Variants in AFF1 observed in about 807,000 individuals in gnomAD.
AFF1 encodes the protein AF4/FMR2 family member 1.
A neutral mutation model predicts 121.7 loss-of-function variants in AFF1; 48 were observed. That is an observed-to-expected ratio of 0.39 (90% CI 0.31 to 0.50). AFF1 has a LOEUF of 0.50. Ranked by LOEUF, AFF1 falls within the 20% of genes least tolerant of loss-of-function variation. AFF1 has a pLI of 0.76. For synonymous variants in AFF1, 613 were observed against 563.0 expected, an observed-to-expected ratio of 1.09 and a Z score of -1.26; for missense variants, 1,523 against 1,511.7, an observed-to-expected ratio of 1.01 and a Z score of -0.12.
chr4:86,974,400 G>A (rs951290530), intron 2 of AFF1, among the ~76,000 whole-genome samples: 6 of 152,034 alleles, frequency 3.9e-5, no homozygotes, highest in Admixed American at 2.0e-4. Context: ...CGCCTGCCTC[G>A]GTCTCCCAAA....
At chr4:87,115,625 T>TTTTTTTTTTTTTTCCC (rs397994396) in intron 12 of AFF1, among the ~76,000 whole-genome samples, 1 of 102,968 alleles carries the variant, frequency 9.7e-6, no homozygotes, top group African/African-American at 3.3e-5. Flanking sequence ...TTTTTTTTTT[T>TTTTTTTTTTTTTTCCC]CCAAAGACAG....
rs182258688 is a variant in AFF1, at chr4:87,139,120, C to T, written c.*3419C>T. 1 of 228,638 alleles carries T rather than the reference C, an allele frequency of 4.4e-6. No individual in the cohort carries two copies. The highest frequency in any genetic ancestry group is 2.2e-5 in the African/African-American group (1 of 45,228). The allele number at this position is 228,638 out of a possible 1,614,324, so 14.2% of individuals were successfully genotyped here. Reference sequence around the variant, plus strand: ...ATTAACAAAACTTATCTCTGATATACAAAGGGATATAAATATATACACTTA... The same window carrying T: ...ATTAACAAAACTTATCTCTGATATATAAAGGGATATAAATATATACACTTA... On this transcript the variant is annotated 3_prime_UTR_variant, in exon 21 of 21. Transcript: ENST00000395146.
At chr4:86,998,118 A>C (rs1399500896) in intron 2 of AFF1, among the ~76,000 whole-genome samples, 9 of 148,104 alleles carry the variant, frequency 6.1e-5, no homozygotes, top group Non-Finnish European at 1.1e-4. Flanking sequence ...AAAAAAAAAA[A>C]AAAAAAAAAC....
At chr4:86,968,798 A>G (rs1382944101) in intron 2 of AFF1, among the ~76,000 whole-genome samples, 2 of 152,258 alleles carry the variant, frequency 1.3e-5, no homozygotes, top group South Asian at 2.1e-4. Flanking sequence ...TATCTTTTGC[A>G]TAACACATGG....
At chr4:87,041,913 G>T (rs6850907) in intron 2 of AFF1, among the ~76,000 whole-genome samples, 6,365 of 151,882 alleles carry the variant, frequency 0.042, 423 homozygotes, top group African/African-American at 0.15. Context: ...TACTCGGGAG[G>T]CTGAGACAGG....
intron 11 of AFF1, among the ~76,000 whole-genome samples, chr4:87,112,397 G>T (rs886200743): frequency 6.6e-6 from 1 of 152,160 alleles, no homozygotes; most frequent in Non-Finnish European, 1.5e-5. Flanking sequence ...GAAGCCGTAA[G>T]GAAGATAATG....
chr4:87,040,637 G>A (rs1730041341), intron 2 of AFF1, among the ~76,000 whole-genome samples: 1 of 151,278 alleles, frequency 6.6e-6, no homozygotes, highest in Admixed American at 6.6e-5. Flanking sequence ...CGCAATCTCG[G>A]CTCACAGCAA....
intron 2 of AFF1, among the ~76,000 whole-genome samples, chr4:86,955,831 T>C (rs1721699524): frequency 6.6e-6 from 1 of 152,174 alleles, no homozygotes; most frequent in Non-Finnish European, 1.5e-5. Context: ...TTGTTAACCT[T>C]GCATCATATA....
chr4:87,009,311 G>A (rs528110612), intron 2 of AFF1, among the ~76,000 whole-genome samples: 1 of 152,332 alleles, frequency 6.6e-6, no homozygotes, highest in South Asian at 2.1e-4. Context: ...GATCTGCTTT[G>A]CACACTTCCT....
intron 2 of AFF1, among the ~76,000 whole-genome samples, chr4:87,031,225 A>G (rs1441025677): frequency 1.3e-5 from 2 of 152,132 alleles, no homozygotes; most frequent in Non-Finnish European, 2.9e-5. Flanking sequence ...CAAACACCCT[A>G]TGGTGAATGA....
At chr4:86,966,102 G>T (rs1358020113) in intron 2 of AFF1, among the ~76,000 whole-genome samples, 2 of 150,078 alleles carry the variant, frequency 1.3e-5, no homozygotes, top group African/African-American at 4.9e-5. Context: ...TACGTGCAAG[G>T]TGGTAGTTTC....
At position 87,046,299 on chromosome 4, in the gene AFF1, CACTAGACATTG is replaced by C. The variant is rs774516112; in HGVS notation, c.159+15_159+25del. The C allele has an allele frequency of 5.0e-6, 8 of 1,606,794 alleles. No homozygotes were observed. The African/African-American group carries it at 1.1e-4, about 22-fold the overall frequency. On this transcript the variant is annotated intron_variant, in intron 3 of 20. Coordinates refer to ENST00000395146, the MANE Select transcript of AFF1 (RefSeq NM_001166693.3). ...AGAGCCCTACAAGGTATTTACTGAA[CACTAGACATTG>C]AAGTCCTGATTTATCACAATGTTGA...
At chr4:86,938,338 T>C (rs1336115015) in intron 1 of AFF1, among the ~76,000 whole-genome samples, 2 of 151,534 alleles carry the variant, frequency 1.3e-5, no homozygotes, top group Non-Finnish European at 2.9e-5. Context: ...TAATTACGCT[T>C]CCTCGGGAGG....
At chr4:87,042,291 C>T (rs1560566728) in intron 2 of AFF1, among the ~76,000 whole-genome samples, 1 of 152,164 alleles carries the variant, frequency 6.6e-6, no homozygotes, top group Non-Finnish European at 1.5e-5. Flanking sequence ...TTCCCTAAGC[C>T]ATTGCAAATT....
Position 87,114,717 on chromosome 4 carries a change from G to C in AFF1, c.1884G>C (p.Leu628=). Residue 628 remains leucine (L), a synonymous_variant, in exon 12 of 21, where the codon CTG becomes CTC. Coordinates refer to ENST00000395146, the MANE Select transcript of AFF1 (RefSeq NM_001166693.3). ...CCCGGGCAGGTTCACGGACCAGCCT[G>C]CAGGGGGAAAGGGAGCCAGGGCTTC... The part of the protein sequence containing the change: ...ASARAGSRTS[L]QGEREPGLLP... 4.3e-6 allele frequency: 7 copies of C among 1,614,022 alleles called. No individual in the cohort carries two copies. The highest frequency in any genetic ancestry group is 5.9e-6 in the Non-Finnish European group (7 of 1,179,998).
intron 8 of AFF1, among the ~76,000 whole-genome samples, chr4:87,104,255 A>G (rs1321822380): frequency 6.6e-6 from 1 of 152,140 alleles, no homozygotes; most frequent in East Asian, 1.9e-4. Flanking sequence ...AAACACAAAA[A>G]TTAGCCGGGC....
chr4:87,056,001 C>T (rs967693779), intron 4 of AFF1, among the ~76,000 whole-genome samples: 1 of 152,150 alleles, frequency 6.6e-6, no homozygotes, highest in Admixed American at 6.5e-5. Context: ...GTTTTTCCCA[C>T]AGAGGTCTAG....
chr4:87,092,971 T>G (rs893170698), intron 7 of AFF1, among the ~76,000 whole-genome samples: 2 of 152,130 alleles, frequency 1.3e-5, no homozygotes, highest in African/African-American at 4.8e-5. Context: ...CCACCTTCGG[T>G]CTGCTTGGGT....
At chr4:86,938,317 G>A (rs1315213794) in intron 1 of AFF1, among the ~76,000 whole-genome samples, 1 of 152,014 alleles carries the variant, frequency 6.6e-6, no homozygotes, top group East Asian at 1.9e-4. Context: ...GGGCATGATG[G>A]CGTGCTCCTG....
Sources: allele counts gnomAD v4.1 joint callset (sites outside exome capture counted in the v4.1 genomes callset), GRCh38; gene constraint gnomAD v4.1.1; transcripts MANE v1.5; gene names NCBI Gene and HGNC (gene_info 2026-07-23, HGNC 2026-07-21).